The following NMBR variants were observed in gnomAD, a reference collection of about 807,000 sequenced individuals.
The protein encoded by NMBR is neuromedin-B receptor.
Under a neutral mutation model 20.5 loss-of-function variants are expected in NMBR, and 16 were observed. The observed-to-expected ratio is 0.78, with a 90% CI of 0.53 to 1.19. The LOEUF (loss-of-function observed/expected upper bound fraction) is 1.19. Ranked by LOEUF, NMBR falls within the 50% of genes most tolerant of loss-of-function variation. The pLI is 0.00. For synonymous variants in NMBR, 212 were observed against 196.6 expected, an observed-to-expected ratio of 1.08 and a Z score of -0.65; for missense variants, 582 against 499.1, an observed-to-expected ratio of 1.17 and a Z score of -1.58.
chr6:142,107,978 G>A (rs559901449), intron 1 of NMBR, among the ~76,000 whole-genome samples: 1 of 152,118 alleles, frequency 6.6e-6, no homozygotes, highest in African/African-American at 2.4e-5. Flanking sequence ...ATTTGAACTG[G>A]CAGAAGAATC....
At chr6:142,081,692 GAT>G in intron 2 of NMBR, among the ~76,000 whole-genome samples, 1 of 152,266 alleles carries the variant, frequency 6.6e-6, no homozygotes, top group South Asian at 2.1e-4. Flanking sequence ...AATAAAATGA[GAT>G]AGTGCAAATT....
chr6:142,094,621 C>T (rs938164794), intron 1 of NMBR, among the ~76,000 whole-genome samples: 1 of 152,132 alleles, frequency 6.6e-6, no homozygotes, highest in Non-Finnish European at 1.5e-5. Context: ...TTAGGATTGA[C>T]TTGGCTATGC....
intron 1 of NMBR, among the ~76,000 whole-genome samples, chr6:142,145,400 C>T (rs1316576094): frequency 6.6e-6 from 1 of 152,114 alleles, no homozygotes; most frequent in Non-Finnish European, 1.5e-5. Flanking sequence ...AACCAAAATA[C>T]CTAGATTTTA....
At chr6:142,131,240 C>T (rs551067569) in intron 1 of NMBR, among the ~76,000 whole-genome samples, 1 of 152,206 alleles carries the variant, frequency 6.6e-6, no homozygotes, top group South Asian at 2.1e-4. Flanking sequence ...TGAAGACATG[C>T]GGGAGGCATG....
At chr6:142,095,565 T>C (rs1452352075) in intron 1 of NMBR, among the ~76,000 whole-genome samples, 2 of 152,190 alleles carry the variant, frequency 1.3e-5, no homozygotes, top group Non-Finnish European at 2.9e-5. Flanking sequence ...TAGTATTTCA[T>C]TGAGGATTTT....
At chr6:142,130,943 G>T (rs554991602) in intron 1 of NMBR, among the ~76,000 whole-genome samples, 3 of 152,216 alleles carry the variant, frequency 2.0e-5, no homozygotes, top group Admixed American at 2.0e-4. Context: ...CTCCAGAGTA[G>T]GGACAACAGG....
At chr6:142,083,720 T>G (rs1777145143) in intron 2 of NMBR, among the ~76,000 whole-genome samples, 1 of 152,154 alleles carries the variant, frequency 6.6e-6, no homozygotes, top group South Asian at 2.1e-4. Context: ...AAGACATGCT[T>G]GCTTCCCCTT....
chr6:142,139,784 C>T (rs1345179900), intron 1 of NMBR, among the ~76,000 whole-genome samples: 1 of 152,200 alleles, frequency 6.6e-6, no homozygotes, highest in Non-Finnish European at 1.5e-5. Flanking sequence ...TGTTAGCACA[C>T]AGCTATATAG....
chr6:142,092,796 C>G (rs1171475358), intron 1 of NMBR, among the ~76,000 whole-genome samples: 1 of 152,134 alleles, frequency 6.6e-6, no homozygotes, highest in African/African-American at 2.4e-5. Context: ...AAAAGTGAGT[C>G]ATACAGAGAA....
chr6:142,081,639 T>C (rs1777099077), intron 2 of NMBR, among the ~76,000 whole-genome samples: 2 of 152,224 alleles, frequency 1.3e-5, no homozygotes, highest in Non-Finnish European at 2.9e-5. Flanking sequence ...AGAAAAATGT[T>C]GTATACCAAC....
chr6:142,090,665 T>C (rs1777305684), intron 1 of NMBR, among the ~76,000 whole-genome samples: 1 of 151,246 alleles, frequency 6.6e-6, no homozygotes, highest in Admixed American at 6.6e-5. Context: ...GAAATTAATA[T>C]TACATGTAAG....
At chr6:142,116,975 T>C (rs981851555) in intron 1 of NMBR, among the ~76,000 whole-genome samples, 5 of 151,996 alleles carry the variant, frequency 3.3e-5, no homozygotes, top group Non-Finnish European at 5.9e-5. Flanking sequence ...GTTTATTTTA[T>C]AGATAAAAAC....
intron 1 of NMBR, among the ~76,000 whole-genome samples, chr6:142,118,201 A>T (rs1777885729): frequency 6.6e-6 from 1 of 151,986 alleles, no homozygotes; most frequent in Non-Finnish European, 1.5e-5. Flanking sequence ...CTTTGGTATT[A>T]AAGTGATTGG....
At chr6:142,083,878 G>A (rs1777151811) in intron 2 of NMBR, among the ~76,000 whole-genome samples, 1 of 152,130 alleles carries the variant, frequency 6.6e-6, no homozygotes, top group African/African-American at 2.4e-5. Flanking sequence ...GTAATACAAA[G>A]CTGAACAAAA....
intron 1 of NMBR, among the ~76,000 whole-genome samples, chr6:142,124,700 G>A (rs1157917096): frequency 6.6e-6 from 1 of 151,838 alleles, no homozygotes; most frequent in African/African-American, 2.4e-5. Flanking sequence ...AAATCATGCA[G>A]TTTAGGAATA....
chr6:142,076,460 A>T (rs1056130594), intron 3 of NMBR, among the ~76,000 whole-genome samples: 2 of 152,200 alleles, frequency 1.3e-5, no homozygotes, highest in Non-Finnish European at 2.9e-5. Context: ...TTAAATAGGA[A>T]AAACTGATCT....
At chr6:142,103,701 A>C (rs1777605927) in intron 1 of NMBR, among the ~76,000 whole-genome samples, 1 of 152,182 alleles carries the variant, frequency 6.6e-6, no homozygotes, top group Admixed American at 6.5e-5. Flanking sequence ...GTTATAAGCA[A>C]TTTGACTTGC....
intron 1 of NMBR, among the ~76,000 whole-genome samples, chr6:142,103,551 C>T (rs1258626135): frequency 2.6e-5 from 4 of 152,082 alleles, no homozygotes; most frequent in Non-Finnish European, 5.9e-5. Flanking sequence ...GAATGCAGAG[C>T]TTCTAGTAAC....
At position 142,088,781 on chromosome 6, in the gene NMBR, G is replaced by T; in HGVS notation, c.-123C>A. The T allele has an allele frequency of 1.2e-6, 1 of 867,268 alleles. No individual in the cohort carries two copies. The highest frequency in any genetic ancestry group is 1.7e-5 in the South Asian group (1 of 58,196). 53.7% of individuals were successfully genotyped at this position (867,268 alleles called of 1,614,324 possible). On this transcript the variant is annotated 5_prime_UTR_variant, in exon 2 of 4. Coordinates refer to ENST00000258042, the MANE Select transcript of NMBR (RefSeq NM_002511.4). ...TCGCCCCTGCAAGTTTACTGTCCGC[G>T]GGGCAAGCCTCACAGCACCACGTCC...
Sources: gnomAD v4.1 joint callset for allele counts (sites outside exome capture counted in the v4.1 genomes callset) on GRCh38, gnomAD v4.1.1 for gene constraint, MANE v1.5 for transcripts, NCBI Gene and HGNC (gene_info 2026-07-23, HGNC 2026-07-21) for gene names.